Variants in WWOX observed in about 807,000 individuals in gnomAD.
WWOX encodes WW domain-containing oxidoreductase.
Under a neutral mutation model 46.2 loss-of-function variants are expected in WWOX, and 69 were observed. The ratio of observed to expected loss-of-function variants is 1.49; its 90% confidence interval spans 1.23 to 1.82. The LOEUF is 1.82. Ranked by LOEUF, WWOX falls within the 40% of genes most tolerant of loss-of-function variation. WWOX has a pLI of 0.00. For synonymous variants in WWOX, 359 were observed against 202.6 expected (o/e 1.77, Z -6.56); for missense variants, 919 against 542.6 (o/e 1.69, Z -6.89).
chr16:78,947,731 G>C (rs758357557), intron 8 of WWOX, among the ~76,000 whole-genome samples: 1 of 152,180 alleles, frequency 6.6e-6, no homozygotes, highest in Non-Finnish European at 1.5e-5. Flanking sequence ...AAAAGAATGT[G>C]CCACCTAGAT....
At chr16:78,576,372 G>C (rs1243453625) in intron 8 of WWOX, among the ~76,000 whole-genome samples, 2 of 152,150 alleles carry the variant, frequency 1.3e-5, no homozygotes, top group Admixed American at 6.5e-5. Flanking sequence ...AAAAGACATA[G>C]CTTGGTTTAG....
chr16:78,887,385 A>C (rs781643494), intron 8 of WWOX, among the ~76,000 whole-genome samples: 1 of 151,548 alleles, frequency 6.6e-6, no homozygotes, highest in East Asian at 1.9e-4. Flanking sequence ...TATTCAGTGC[A>C]TTCGCTTCCA....
intron 8 of WWOX, among the ~76,000 whole-genome samples, chr16:78,772,729 G>T (rs771906131): frequency 2.0e-5 from 3 of 152,136 alleles, no homozygotes; most frequent in Non-Finnish European, 2.9e-5. Flanking sequence ...AAAGAACCTA[G>T]GTAAGTTGGC....
chr16:78,198,252 A>C (rs560883535), intron 5 of WWOX, among the ~76,000 whole-genome samples: 1 of 152,180 alleles, frequency 6.6e-6, no homozygotes, highest in Admixed American at 6.5e-5. Context: ...CATCCCCAGC[A>C]TTCAAAGAAG....
intron 6 of WWOX, among the ~76,000 whole-genome samples, chr16:78,406,354 A>ATT (rs1352162395): frequency 3.8e-4 from 25 of 66,558 alleles, no homozygotes; most frequent in East Asian, 7.8e-4. Flanking sequence ...ATATATATAT[A>ATT]TTTTATTATT....
chr16:78,634,635 G>A (rs2046520133), intron 8 of WWOX, among the ~76,000 whole-genome samples: 1 of 151,810 alleles, frequency 6.6e-6, no homozygotes, highest in Non-Finnish European at 1.5e-5. Flanking sequence ...GAACCCAGGA[G>A]GCGGAGGTTG....
intron 5 of WWOX, among the ~76,000 whole-genome samples, chr16:78,184,222 G>T (rs1567617634): frequency 1.3e-5 from 2 of 151,998 alleles, no homozygotes; most frequent in South Asian, 2.1e-4. Flanking sequence ...ATGTTCAGTG[G>T]CACTTCAGCC....
intron 8 of WWOX, among the ~76,000 whole-genome samples, chr16:78,599,643 C>T (rs910939912): frequency 6.6e-6 from 1 of 152,210 alleles, no homozygotes; most frequent in Admixed American, 6.5e-5. Context: ...TCAACATTTG[C>T]TCCCGAGTCT....
intron 8 of WWOX, among the ~76,000 whole-genome samples, chr16:79,059,711 C>T (rs1050584936): frequency 6.6e-6 from 1 of 152,058 alleles, no homozygotes; most frequent in African/African-American, 2.4e-5. Flanking sequence ...GGCCAGGCAT[C>T]TCAATCGTTT....
intron 8 of WWOX, among the ~76,000 whole-genome samples, chr16:78,567,407 G>C (rs909171360): frequency 6.7e-6 from 1 of 149,828 alleles, no homozygotes; most frequent in South Asian, 2.1e-4. Context: ...AAAAAAATTA[G>C]CCCGGCGTGG....
At chr16:78,713,399 G>T (rs1011086975) in intron 8 of WWOX, among the ~76,000 whole-genome samples, 1 of 151,584 alleles carries the variant, frequency 6.6e-6, no homozygotes, top group African/African-American at 2.4e-5. Context: ...CCGTCTTGAT[G>T]CTGTTATTAT....
chr16:78,370,221 T>G (rs558128173), intron 5 of WWOX, among the ~76,000 whole-genome samples: 1 of 152,044 alleles, frequency 6.6e-6, no homozygotes, highest in South Asian at 2.1e-4. Context: ...GTAAACTCTC[T>G]TTACAATCTG....
chr16:79,063,266 C>T (rs748301780), intron 8 of WWOX, among the ~76,000 whole-genome samples: 1 of 152,102 alleles, frequency 6.6e-6, no homozygotes, highest in African/African-American at 2.4e-5. Context: ...ATATGGTTAC[C>T]CAGCCCAAGC....
At chr16:79,055,754 C>T (rs1244525659) in intron 8 of WWOX, among the ~76,000 whole-genome samples, 1 of 152,120 alleles carries the variant, frequency 6.6e-6, no homozygotes, top group Non-Finnish European at 1.5e-5. Context: ...TGGAATCAGC[C>T]TATTTTATGG....
At chr16:79,157,600 G>C (rs550649344) in intron 8 of WWOX, among the ~76,000 whole-genome samples, 5 of 152,172 alleles carry the variant, frequency 3.3e-5, no homozygotes, top group Non-Finnish European at 7.3e-5. Flanking sequence ...GCTATCTGGA[G>C]ATGTTTTAAA....
chr16:78,959,698 C>G (rs1287247361), intron 8 of WWOX, among the ~76,000 whole-genome samples: 2 of 152,142 alleles, frequency 1.3e-5, no homozygotes, highest in African/African-American at 4.8e-5. Context: ...ACTGATGAGA[C>G]CCCCCTGCAA....
intron 8 of WWOX, among the ~76,000 whole-genome samples, chr16:78,569,298 GT>G (rs1453993888): frequency 6.6e-6 from 1 of 152,128 alleles, no homozygotes. Context: ...AATCAAGGCA[GT>G]TTTCCTTTAT....
chr16:78,378,286 C>G (rs571062369), intron 5 of WWOX, among the ~76,000 whole-genome samples: 1 of 152,056 alleles, frequency 6.6e-6, no homozygotes, highest in African/African-American at 2.4e-5. Context: ...CCCTTTCCTG[C>G]GAATCCTATC....
intron 8 of WWOX, among the ~76,000 whole-genome samples, chr16:78,918,929 G>A (rs561705144): frequency 2.0e-5 from 3 of 152,092 alleles, no homozygotes; most frequent in African/African-American, 7.2e-5. Flanking sequence ...TGTTATTGTG[G>A]TTACTTGTGG....
Sources: allele counts gnomAD v4.1 joint callset (sites outside exome capture counted in the v4.1 genomes callset), GRCh38; gene constraint gnomAD v4.1.1; transcripts MANE v1.5; gene names NCBI Gene and HGNC (gene_info 2026-07-23, HGNC 2026-07-21).